ZNF782: variants seen among roughly 807,000 people sequenced by gnomAD.
ZNF782 encodes the protein zinc finger protein 782.
In ZNF782, 12 loss-of-function variants were observed where a neutral mutation model predicts 13.0. That is an observed-to-expected ratio of 0.92 (90% CI 0.59 to 1.50). ZNF782 has a LOEUF of 1.50. Ranked by LOEUF, ZNF782 falls within the 40% of genes most tolerant of loss-of-function variation. The probability of loss-of-function intolerance (pLI) is 0.00; values close to 1 mark genes in which losing one functional copy is unlikely to be tolerated. For synonymous variants in ZNF782, 284 were observed against 283.0 expected, an observed-to-expected ratio of 1.00 and a Z score of -0.04; for missense variants, 770 against 822.9, an observed-to-expected ratio of 0.94 and a Z score of 0.79.
the ZNF782 span, chr9:96,892,466 T>C: frequency 1.3e-5 from 2 of 152,248 alleles, no homozygotes; most frequent in African/African-American, 4.8e-5. Context: ...CTGTCATGCG[T>C]GGACCACCCT....
At chr9:96,927,672 G>A in the ZNF782 span, among the ~76,000 whole-genome samples, 1 of 152,272 alleles carries the variant, frequency 6.6e-6, no homozygotes, top group East Asian at 1.9e-4. Flanking sequence ...CACAGATAAA[G>A]GACAGATTTT....
the ZNF782 span, among the ~76,000 whole-genome samples, chr9:96,901,790 GA>G: frequency 6.7e-6 from 1 of 148,996 alleles, no homozygotes; most frequent in South Asian, 2.1e-4. Context: ...TGAGGCAGGA[GA>G]ATGGCTTGAA....
chr9:96,903,556 G>GTTTTTTTTTTTTTT, the ZNF782 span, among the ~76,000 whole-genome samples: 4 of 75,462 alleles, frequency 5.3e-5, no homozygotes, highest in African/African-American at 5.8e-5. Flanking sequence ...TTTTATGTTG[G>GTTTTTTTTTTTTTT]TTTTTTTTTT....
the ZNF782 span, among the ~76,000 whole-genome samples, chr9:96,907,193 A>G: frequency 6.6e-6 from 1 of 152,136 alleles, no homozygotes; most frequent in African/African-American, 2.4e-5. Context: ...GTTAAAAAGG[A>G]AAGAATTTCT....
At chr9:96,848,366 G>C (rs2118770790) in intron 3 of ZNF782, among the ~76,000 whole-genome samples, 1 of 152,198 alleles carries the variant, frequency 6.6e-6, no homozygotes. Context: ...AAAAGAAAAA[G>C]TCAAACTACT....
chr9:96,841,768 C>T (rs1027468510), intron 4 of ZNF782, among the ~76,000 whole-genome samples: 5 of 151,910 alleles, frequency 3.3e-5, no homozygotes, highest in Admixed American at 6.6e-5. Context: ...TGGTGAAAGA[C>T]TAGATGTTTT....
rs551884951 is a variant in ZNF782, at chr9:96,838,721, T to C, written c.142+6169A>G. On this transcript the variant is annotated intron_variant, in intron 4 of 5. Transcript: ENST00000481138. ...AGCCTGATGTATTTTTCTTTTCTTT[T>C]TTTTTTTTTTTGAGACAGAGTCTTG... Among the ~76,000 whole-genome samples the C allele has an allele frequency of 1.5e-4, 23 of 150,792 alleles. No homozygotes were observed. In the South Asian group the frequency reaches 2.7e-3, roughly 18 times the overall value.
intron 4 of ZNF782, among the ~76,000 whole-genome samples, chr9:96,830,200 A>T (rs1169871660): frequency 6.6e-6 from 1 of 152,194 alleles, no homozygotes; most frequent in African/African-American, 2.4e-5. Context: ...GCCAAACACA[A>T]AATAAAAAAT....
At chr9:96,866,257 G>A (rs536964967) in intron 1 of ZNF782, among the ~76,000 whole-genome samples, 4 of 152,106 alleles carry the variant, frequency 2.6e-5, no homozygotes, top group Non-Finnish European at 5.9e-5. Flanking sequence ...GGCTGTGCCC[G>A]GGGTTCCTCA....
At chr9:96,928,130 C>G in the ZNF782 span, among the ~76,000 whole-genome samples, 1 of 151,688 alleles carries the variant, frequency 6.6e-6, no homozygotes, top group Non-Finnish European at 1.5e-5. Context: ...TGGTCATTGC[C>G]TATTCCACTG....
At chr9:96,918,336 G>A in the ZNF782 span, among the ~76,000 whole-genome samples, 5 of 148,188 alleles carry the variant, frequency 3.4e-5, no homozygotes, top group Admixed American at 6.7e-5. Flanking sequence ...CTTCAACTCC[G>A]GAGGCGGAGG....
chr9:96,873,298 C>A (rs1851849665), intron 1 of ZNF782, among the ~76,000 whole-genome samples: 2 of 152,284 alleles, frequency 1.3e-5, no homozygotes, highest in African/African-American at 2.4e-5. Flanking sequence ...AGATGCTTTG[C>A]ACCATGTAAT....
chr9:96,824,581 A>G (rs1276699439), intron 5 of ZNF782, among the ~76,000 whole-genome samples: 1 of 147,008 alleles, frequency 6.8e-6, no homozygotes. Context: ...AAGGAAATAA[A>G]GGGTATTCAA....
chr9:96,839,795 C>A (rs1851133149), intron 4 of ZNF782, among the ~76,000 whole-genome samples: 1 of 152,238 alleles, frequency 6.6e-6, no homozygotes, highest in East Asian at 1.9e-4. Flanking sequence ...CATTCTACTG[C>A]TTCTTTTGAC....
At chr9:96,931,597 G>C in the ZNF782 span, 1 of 803,480 alleles carries the variant, frequency 1.2e-6, no homozygotes, top group Non-Finnish European at 2.0e-6. Flanking sequence ...CACACTCAGG[G>C]ACACTTGCAA....
chr9:96,848,952 T>C (rs917357472), intron 3 of ZNF782, among the ~76,000 whole-genome samples: 3 of 152,070 alleles, frequency 2.0e-5, no homozygotes, highest in African/African-American at 7.2e-5. Context: ...CCCAAAACAG[T>C]ATGGTACTGG....
At chr9:96,900,282 T>TG in the ZNF782 span, among the ~76,000 whole-genome samples, 1 of 150,356 alleles carries the variant, frequency 6.7e-6, no homozygotes, top group African/African-American at 2.5e-5. Context: ...TTCCTGATGC[T>TG]GCAATCAGTC....
In ZNF782 at chr9:96,817,580, CAA is replaced by C. The variant is rs545129427; in HGVS notation, c.*341_*342del. 883 of 194,806 alleles carry C rather than the reference CAA, an allele frequency of 4.5e-3. 8 individuals are homozygous for C. Among genetic ancestry groups the C allele is most frequent in the African/African-American group, 0.019 (819 of 43,232 alleles). The allele number at this position is 194,806 out of a possible 1,614,324, so 12.1% of individuals were successfully genotyped here. A position where few individuals can be genotyped will look rare whatever the true frequency, so the allele number is the denominator to read the frequency against. Reference sequence around the variant, plus strand: ...GGTGAATGAGTTTTGATTGTTGGCACAAAGTTTTCACATTTTTATTACTTTCT... The same window carrying C: ...GGTGAATGAGTTTTGATTGTTGGCACAGTTTTCACATTTTTATTACTTTCT... On this transcript the variant is annotated 3_prime_UTR_variant, in exon 6 of 6. Transcript: ENST00000481138.
At chr9:96,923,235 A>G in the ZNF782 span, among the ~76,000 whole-genome samples, 1 of 150,566 alleles carries the variant, frequency 6.6e-6, no homozygotes, top group Non-Finnish European at 1.5e-5. Flanking sequence ...ACCTGCGATT[A>G]GCTAACACGC....
Sources: gnomAD v4.1 joint callset for allele counts (sites outside exome capture counted in the v4.1 genomes callset) on GRCh38, gnomAD v4.1.1 for gene constraint, MANE v1.5 for transcripts, NCBI Gene and HGNC (gene_info 2026-07-23, HGNC 2026-07-21) for gene names.